VSIG10: variants seen among roughly 807,000 people sequenced by gnomAD.
VSIG10 encodes V-set and immunoglobulin domain containing 10.
VSIG10 carries 48 observed loss-of-function variants against 58.7 expected under a neutral mutation model. The ratio of observed to expected loss-of-function variants is 0.82; its 90% CI spans 0.65 to 1.04. The LOEUF is 1.04. VSIG10 is among the 50% of genes least tolerant of loss of function. The pLI is 0.00. For synonymous variants in VSIG10, 260 were observed against 267.1 expected, an observed-to-expected ratio of 0.97 and a Z score of 0.26; for missense variants, 628 against 670.0, an observed-to-expected ratio of 0.94 and a Z score of 0.69.
Position 118,095,545 on chromosome 12 carries a change from G to A in VSIG10, c.349C>T (p.Leu117=), listed in dbSNP as rs1289719944. ...LNVTQWFQVW[L]QVASGPYQIE... ...CAGCCCCACTTACTGGCCACCTGCA[G>A]CCACACTTGGAACCACTGAGTCACA... Residue 117 remains leucine (L), a synonymous_variant, in exon 2 of 9, where the codon CTG becomes TTG. Transcript: ENST00000359236. The A allele has an allele frequency of 1.2e-6, 2 of 1,613,852 alleles. No individual in the cohort carries two copies. Among genetic ancestry groups the A allele is most frequent in the East Asian group, 4.5e-5 (2 of 44,882 alleles).
At chr12:118,068,095 C>G (rs1270260984) in intron 8 of VSIG10, among the ~76,000 whole-genome samples, 4 of 128,570 alleles carry the variant, frequency 3.1e-5, no homozygotes, top group Non-Finnish European at 6.2e-5. Flanking sequence ...GTGGTGTGAT[C>G]ATAGCTCACT....
At chr12:118,103,223 G>C (rs769905366) in intron 1 of VSIG10, 1 of 183,094 alleles carries the variant, frequency 5.5e-6, no homozygotes, top group Non-Finnish European at 1.1e-5. Context: ...TTGAGCACCA[G>C]CGTATCAGTT....
chr12:118,086,771 A>T (rs2033140623), intron 2 of VSIG10, among the ~76,000 whole-genome samples: 1 of 151,986 alleles, frequency 6.6e-6, no homozygotes, highest in Non-Finnish European at 1.5e-5. Context: ...TTACTTATGT[A>T]TTTTTTTGAG....
intron 1 of VSIG10, among the ~76,000 whole-genome samples, chr12:118,097,560 A>G (rs890377366): frequency 1.3e-5 from 2 of 152,128 alleles, no homozygotes; most frequent in Admixed American, 6.6e-5. Context: ...GGTTGCAGTG[A>G]GCCAAGATTG....
At chr12:118,079,929 G>A (rs1224131376) in intron 3 of VSIG10, among the ~76,000 whole-genome samples, 1 of 152,202 alleles carries the variant, frequency 6.6e-6, no homozygotes, top group African/African-American at 2.4e-5. Flanking sequence ...GACCTCCCAG[G>A]TTCAAGCAAT....
intron 5 of VSIG10, among the ~76,000 whole-genome samples, chr12:118,072,974 A>C (rs551364955): frequency 6.6e-6 from 1 of 152,100 alleles, no homozygotes; most frequent in Admixed American, 6.6e-5. Flanking sequence ...TTAAAGTTCT[A>C]TTGCTATTTT....
intron 7 of VSIG10, among the ~76,000 whole-genome samples, chr12:118,069,919 G>A (rs1379883641): frequency 6.6e-6 from 1 of 152,124 alleles, no homozygotes. Context: ...TTTGAACCCA[G>A]GTCCAATGGT....
rs774569072 is a variant in VSIG10, at chr12:118,103,712, G to A, written c.-41C>T. ...GGCTCAGGAAACGCAGGCTCGGGCT[G>A]GGCTGGACGTGTGTGCCCCAGGGCC... On this transcript the variant is annotated 5_prime_UTR_variant, in exon 1 of 9. Transcript: ENST00000359236. 23 of 1,434,238 alleles carry A rather than the reference G, an allele frequency of 1.6e-5. No homozygotes were observed. Among genetic ancestry groups the A allele is most frequent in the Admixed American group, 8.4e-5 (3 of 35,872 alleles). The allele number at this position is 1,434,238 out of a possible 1,614,324, so 88.8% of individuals were successfully genotyped here.
At chr12:118,093,136 A>C (rs1268159857) in intron 2 of VSIG10, among the ~76,000 whole-genome samples, 1 of 145,810 alleles carries the variant, frequency 6.9e-6, no homozygotes, top group Non-Finnish European at 1.5e-5. Flanking sequence ...AAAAATACAA[A>C]AAAAAAAAAA....
chr12:118,072,842 G>A (rs970675228), intron 5 of VSIG10, among the ~76,000 whole-genome samples: 1 of 152,084 alleles, frequency 6.6e-6, no homozygotes, highest in Non-Finnish European at 1.5e-5. Flanking sequence ...AGTGAAATTT[G>A]GATTTCAGAT....
intron 2 of VSIG10, among the ~76,000 whole-genome samples, chr12:118,082,740 G>T (rs1189628411): frequency 1.3e-5 from 2 of 151,830 alleles, no homozygotes; most frequent in African/African-American, 2.4e-5. Context: ...ACTTTGGGAG[G>T]CTGAGGAAGG....
In VSIG10 at chr12:118,071,456, G is replaced by T; in HGVS notation, c.1233C>A (p.Ile411=). The change falls in exon 6 of 9, where the codon ATC becomes ATA. Residue 411 remains isoleucine (I), a synonymous_variant. Coordinates refer to ENST00000359236, the MANE Select transcript of VSIG10 (RefSeq NM_019086.6). ...IWLSVKEPLN[I]GGIVGTIVSL... is the part of the protein sequence containing the mutation. ...TCACAATGGTTCCCACAATCCCCCC[G>T]ATATTTAAAGGTTCTGTAAAGACAA... is the stretch of plus-strand genomic sequence containing the variant. 4 of 1,613,800 alleles carry T rather than the reference G, an allele frequency of 2.5e-6. No individual in the cohort carries two copies. The highest frequency in any genetic ancestry group is 3.4e-6 in the Non-Finnish European group (4 of 1,179,812).
chr12:118,068,440 T>G lies in VSIG10; in HGVS notation c.1504A>C (p.Arg502=), dbSNP rs374897815. 7 of 1,613,820 alleles carry G rather than the reference T, an allele frequency of 4.3e-6. No homozygotes were observed. The highest frequency in any genetic ancestry group is 5.9e-6 in the Non-Finnish European group (7 of 1,179,902). Residue 502 remains arginine, a synonymous_variant, in exon 8 of 9, where the codon AGA becomes CGA. Transcript: ENST00000359236. ...TTCCCATTCACCAAGGCGGTCACTCTGTGAATGTGGTCCTGCTTAGGTATT... is the reference window on the plus strand; with the variant it reads ...TTCCCATTCACCAAGGCGGTCACTCGGTGAATGTGGTCCTGCTTAGGTATT... ...KEIPKQDHIH[R]VTALVNGNIE...
At chr12:118,082,038 AGAC>A in intron 3 of VSIG10, 86 bp downstream of exon 3, 6 of 1,197,694 alleles carry the variant, frequency 5.0e-6, no homozygotes, top group Non-Finnish European at 4.5e-6. Flanking sequence ...AAAAAAAAAA[AGAC>A]AAATGGGAGA....
chr12:118,071,183 C>T (rs1303955700), intron 6 of VSIG10, 116 bp from the exon 7 acceptor site: 12 of 1,301,864 alleles, frequency 9.2e-6, no homozygotes, highest in Non-Finnish European at 1.2e-5. Flanking sequence ...CTCAATATGA[C>T]AGGTGATAGG....
chr12:118,082,063 G>T, intron 3 of VSIG10, 64 bp downstream of exon 3: 1 of 1,406,112 alleles, frequency 7.1e-7, no homozygotes, highest in Non-Finnish European at 9.7e-7. Flanking sequence ...GCACAAACGT[G>T]CAGTTCATAA....
chr12:118,099,506 CAAG>C (rs1489357200), intron 1 of VSIG10, among the ~76,000 whole-genome samples: 14 of 152,016 alleles, frequency 9.2e-5, no homozygotes, highest in African/African-American at 3.4e-4. Context: ...CACTAGGTAA[CAAG>C]AAGCAAATGC....
intron 4 of VSIG10, among the ~76,000 whole-genome samples, chr12:118,075,766 A>ACAG (rs34072043): frequency 0.13 from 19,951 of 152,170 alleles, 1,450 homozygotes; most frequent in South Asian, 0.22. Flanking sequence ...ATTCACTCTC[A>ACAG]CAGCAACCCT....
intron 1 of VSIG10, among the ~76,000 whole-genome samples, chr12:118,100,684 A>G (rs958469711): frequency 1.3e-5 from 2 of 152,060 alleles, no homozygotes; most frequent in South Asian, 2.1e-4. Flanking sequence ...ACCCGCCATC[A>G]TGCCCCGCTA....
Sources: allele counts gnomAD v4.1 joint callset (sites outside exome capture counted in the v4.1 genomes callset), GRCh38; gene constraint gnomAD v4.1.1; transcripts MANE v1.5; gene names NCBI Gene and HGNC (gene_info 2026-07-23, HGNC 2026-07-21).